Variants in ZNF841 observed in about 807,000 individuals in gnomAD.
ZNF841 encodes zinc finger protein 841.
A neutral mutation model predicts 13.0 loss-of-function variants in ZNF841; 11 were observed. That is an observed-to-expected ratio of 0.85 (90% CI 0.53 to 1.40). ZNF841 has a LOEUF of 1.40. ZNF841 is among the 40% of genes most tolerant of loss of function. ZNF841 has a pLI of 0.00. For missense variants in ZNF841, 1,068 were observed against 1,139.5 expected, an observed-to-expected ratio of 0.94 and a Z score of 0.90; for synonymous variants, 369 against 381.6, an observed-to-expected ratio of 0.97 and a Z score of 0.38.
chr19:52,091,077 C>A (rs2088482201), intron 2 of ZNF841, among the ~76,000 whole-genome samples: 1 of 152,140 alleles, frequency 6.6e-6, no homozygotes, highest in African/African-American at 2.4e-5. Context: ...CAAGGAGCCC[C>A]TGACCCCTTC....
chr19:52,069,787 T>G (rs1057035088), intron 6 of ZNF841, among the ~76,000 whole-genome samples: 5 of 152,142 alleles, frequency 3.3e-5, no homozygotes, highest in African/African-American at 1.2e-4. Context: ...ATGTTGAACT[T>G]TGCACCACCC....
rs1323489152 is a variant in ZNF841 at position 52,083,442 on chromosome 19, AT to A, written c.15+1344del. ...CCACTCTTTAAAAAAAAAAAAAAAAATACTACTATGTTCTTTTTTCTCTTTG... is the reference window on the plus strand; with the variant it reads ...CCACTCTTTAAAAAAAAAAAAAAAAAACTACTATGTTCTTTTTTCTCTTTG... On this transcript the variant is annotated intron_variant, in intron 4 of 6. Transcript: ENST00000594440. Among the ~76,000 whole-genome samples the A allele has an allele frequency of 3.6e-4, 54 of 150,878 alleles. 2 individuals carry two copies. Among genetic ancestry groups the A allele is most frequent in the African/African-American group, 1.1e-3 (44 of 41,006 alleles).
In ZNF841 at chr19:52,095,754, G is replaced by C. The variant is rs1239814156; in HGVS notation, c.-449C>G. The C allele has an allele frequency of 1.3e-5, 2 of 152,452 alleles. No homozygotes were observed. The highest frequency in any genetic ancestry group is 2.4e-5 in the African/African-American group (1 of 41,454). 9.4% of individuals were successfully genotyped at this position (152,452 alleles called of 1,614,324 possible). On this transcript the variant is annotated 5_prime_UTR_variant, in exon 1 of 7. Coordinates refer to ENST00000594440, the MANE Select transcript of ZNF841 (RefSeq NM_001136499.2). ...ACGTGGCCTTTCCCCAGCGCGATCT[G>C]CTTCCGGGTGTGCAGGAAACTGGGC... is the stretch of plus-strand genomic sequence containing the variant.
chr19:52,061,552 T>C (rs549445884), downstream of ZNF841, among the ~76,000 whole-genome samples: 17 of 151,922 alleles, frequency 1.1e-4, no homozygotes, highest in South Asian at 6.2e-4. Flanking sequence ...CCACTCTTAC[T>C]TTTTCTTTTT....
At position 52,065,693 on chromosome 19, in the gene ZNF841, C is replaced by T; in HGVS notation, c.2189G>A (p.Arg730Lys). The change falls in exon 7 of 7, where the codon AGA (arginine) becomes AAA (lysine). Residue 730 changes from arginine (R) to lysine (K), a missense_variant. Transcript: ENST00000594440. Reference sequence around the variant, plus strand: ...TTTGTATGGCATCTCTCCAGTATGTCTTCTCTGATGGTACACCAGACTTGT... The same window carrying T: ...TTTGTATGGCATCTCTCCAGTATGTTTTCTCTGATGGTACACCAGACTTGT... ...HKTSLVYHQRRHTGEMPYKCI... is the reference protein window; with the variant it reads ...HKTSLVYHQRKHTGEMPYKCI... 2 of 1,602,876 alleles carry T rather than the reference C, an allele frequency of 1.2e-6. No individual in the cohort carries two copies. The highest frequency in any genetic ancestry group is 1.7e-6 in the Non-Finnish European group (2 of 1,174,106).
chr19:52,062,254 A>G (rs1297540709), downstream of ZNF841, among the ~76,000 whole-genome samples: 1 of 152,170 alleles, frequency 6.6e-6, no homozygotes, highest in Non-Finnish European at 1.5e-5. Flanking sequence ...TCTTGTCTGT[A>G]TGCACTTAAA....
chr19:52,095,424 A>G (rs1012926096), intron 1 of ZNF841, among the ~76,000 whole-genome samples, 151 bp downstream of exon 1: 1 of 152,000 alleles, frequency 6.6e-6, no homozygotes, highest in African/African-American at 2.4e-5. Context: ...CCGAATGAGG[A>G]CTCGACTTGG....
downstream of ZNF841, among the ~76,000 whole-genome samples, chr19:52,060,598 G>C (rs2087381063): frequency 6.6e-6 from 1 of 151,714 alleles, no homozygotes; most frequent in African/African-American, 2.4e-5. Flanking sequence ...GTAGCTCGTT[G>C]GTAATTGAGG....
At chr19:52,085,348 C>T (rs570713476) in intron 3 of ZNF841, among the ~76,000 whole-genome samples, 57 of 152,318 alleles carry the variant, frequency 3.7e-4, no homozygotes, top group South Asian at 1.2e-3. Context: ...GGGCACAAAA[C>T]GTGTATTTGC....
At chr19:52,093,795 G>A (rs1177453951) in intron 2 of ZNF841, 51 bp downstream of exon 2, 1 of 152,100 alleles carries the variant, frequency 6.6e-6, no homozygotes, top group African/African-American at 2.4e-5. Context: ...AAAGAAAAAA[G>A]TAAATTCATT....
chr19:52,095,284 CAGGG>C (rs2088630684), intron 1 of ZNF841, among the ~76,000 whole-genome samples: 1 of 152,180 alleles, frequency 6.6e-6, no homozygotes, highest in Admixed American at 6.5e-5. Flanking sequence ...TGTCTCACGA[CAGGG>C]AGGGTCTGCA....
At chr19:52,072,212 A>C (rs1568539491) in intron 6 of ZNF841, among the ~76,000 whole-genome samples, 1 of 152,192 alleles carries the variant, frequency 6.6e-6, no homozygotes, top group Non-Finnish European at 1.5e-5. Context: ...AACTAAAGGG[A>C]GAAGTAGTTC....
At chr19:52,071,962 T>C (rs1325621685) in intron 6 of ZNF841, among the ~76,000 whole-genome samples, 3 of 152,178 alleles carry the variant, frequency 2.0e-5, no homozygotes, top group African/African-American at 7.2e-5. Context: ...AAATACTCAT[T>C]TTAATTCAAA....
chr19:52,062,608 CAAG>C (rs2087422965), downstream of ZNF841, among the ~76,000 whole-genome samples: 1 of 152,160 alleles, frequency 6.6e-6, no homozygotes, highest in African/African-American at 2.4e-5. Context: ...GTAGGAAAGG[CAAG>C]ACTTCATACT....
At chr19:52,060,213 G>T (rs1385115236), downstream of ZNF841, among the ~76,000 whole-genome samples, 1 of 152,216 alleles carries the variant, frequency 6.6e-6, no homozygotes, top group South Asian at 2.1e-4. Context: ...ACAACTTGCA[G>T]TCAAGACCCT....
At chr19:52,064,353 C>CAAAAAAAAAAAAAAA (rs56135758), downstream of ZNF841, 3 of 35,452 alleles carry the variant, frequency 8.5e-5, 1 homozygote, top group Non-Finnish European at 1.9e-4. Context: ...ACTCCGTCTC[C>CAAAAAAAAAAAAAAA]AAAAAAAAAA....
In ZNF841 at chr19:52,077,084, C is replaced by T. The variant is rs777760605; in HGVS notation, c.16G>A (p.Gly6Arg). 1 of 1,605,932 alleles carries T rather than the reference C, an allele frequency of 6.2e-7. No individual in the cohort carries two copies. The highest frequency in any genetic ancestry group is 1.7e-5 in the Admixed American group (1 of 58,348). ...GCCACATCCCTGAATGTCAAAGATC[C>T]CTGAAATGAAAAACACATTTCAATA... MALPQ[G>R]SLTFRDVAVE... is the part of the protein sequence containing the mutation. Residue 6 changes from glycine (G) to arginine (R), a missense_variant and splice_region_variant, in exon 5 of 7, where the codon GGA (glycine) becomes AGA (arginine). Physicochemically the swap from Gly to Arg is moderately radical, Grantham distance 125. Coordinates refer to ENST00000594440, the MANE Select transcript of ZNF841 (RefSeq NM_001136499.2).
At position 52,065,896 on chromosome 19, in the gene ZNF841, A is replaced by T. The variant is rs762512567; in HGVS notation, c.1986T>A (p.Tyr662Ter). 6 of 1,614,210 alleles carry T rather than the reference A, an allele frequency of 3.7e-6. No individual in the cohort carries two copies. Among genetic ancestry groups the T allele is most frequent in the Non-Finnish European group, 5.1e-6 (6 of 1,180,024 alleles). Reference sequence around the variant, plus strand: ...GTTTAGTGAGGCTTGAACGCTGAGTATAGGCTTTGCCACAATCATTACATT... The same window carrying T: ...GTTTAGTGAGGCTTGAACGCTGAGTTTAGGCTTTGCCACAATCATTACATT... Reference protein sequence around the residue: ...PYKCNDCGKAYTQRSSLTKHL... With the variant: ...PYKCNDCGKA Residue 662 changes from tyrosine to a stop codon, truncating the protein, a stop_gained, in exon 7 of 7, where the codon TAT becomes TAA. Coordinates refer to ENST00000594440, the MANE Select transcript of ZNF841 (RefSeq NM_001136499.2). LOFTEE classifies it low-confidence loss of function (END_TRUNC).
rs895014907 is a variant in ZNF841 at position 52,064,474 on chromosome 19, A to C, written c.*633T>G. 6.5e-6 allele frequency: 1 copy of C among 153,476 alleles called. No homozygotes were observed. Among genetic ancestry groups the C allele is most frequent in the Non-Finnish European group, 1.5e-5 (1 of 68,022 alleles). The allele number at this position is 153,476 out of a possible 1,614,324, so 9.5% of individuals were successfully genotyped here. A position where few individuals can be genotyped will look rare whatever the true frequency, so the allele number is the denominator to read the frequency against. ...AATACCTGAGGCTAGGTAATGTATA[A>C]AGAGGTTTAATTGACTCACAATTTT... On this transcript the variant is annotated 3_prime_UTR_variant, in exon 7 of 7. Coordinates refer to ENST00000594440, the MANE Select transcript of ZNF841 (RefSeq NM_001136499.2).
Sources: gnomAD v4.1 joint callset for allele counts (sites outside exome capture counted in the v4.1 genomes callset) on GRCh38, gnomAD v4.1.1 for gene constraint, MANE v1.5 for transcripts, NCBI Gene and HGNC (gene_info 2026-07-23, HGNC 2026-07-21) for gene names.